The following SH2D3C variants were observed in gnomAD, a reference collection of about 807,000 sequenced individuals.
The protein encoded by SH2D3C is SH2 domain-containing protein 3C.
A neutral mutation model predicts 75.2 loss-of-function variants in SH2D3C; 25 were observed. That is an observed-to-expected ratio of 0.33 (90% CI 0.24 to 0.46). The LOEUF (loss-of-function observed/expected upper bound fraction) is 0.46. SH2D3C is among the 20% of genes least tolerant of loss of function. The pLI is 1.00. For synonymous variants in SH2D3C, 450 were observed against 473.7 expected (o/e 0.95, Z 0.65); for missense variants, 933 against 1,165.3 (o/e 0.80, Z 2.90).
intron 2 of SH2D3C, among the ~76,000 whole-genome samples, chr9:127,768,467 T>C (rs1471602543): frequency 4.0e-5 from 6 of 151,854 alleles, no homozygotes; most frequent in Non-Finnish European, 5.9e-5. Context: ...GACACTCAGA[T>C]GAGGCACTAA....
At chr9:127,772,401 AC>A (rs762723571) in intron 2 of SH2D3C, among the ~76,000 whole-genome samples, 16 of 151,688 alleles carry the variant, frequency 1.1e-4, no homozygotes, top group Non-Finnish European at 2.1e-4. Flanking sequence ...CCGCCGCCAC[AC>A]CCGGCTAATT....
chr9:127,767,431 A>C, intron 2 of SH2D3C: 1 of 450,932 alleles, frequency 2.2e-6, no homozygotes, highest in Non-Finnish European at 2.9e-6. Flanking sequence ...CCTGATGTCT[A>C]ATTCCCTGCT....
intron 3 of SH2D3C, among the ~76,000 whole-genome samples, chr9:127,757,422 C>G (rs1845412539): frequency 6.6e-6 from 1 of 151,322 alleles, no homozygotes; most frequent in African/African-American, 2.4e-5. Context: ...AGGTGCACAC[C>G]ACCATGCTCA....
intron 3 of SH2D3C, chr9:127,755,230 C>G: frequency 8.7e-7 from 1 of 1,150,114 alleles, no homozygotes; most frequent in Non-Finnish European, 1.1e-6. Context: ...GCGCAGGGAC[C>G]AACCGGCTAG....
chr9:127,746,568 T>G (rs948168208), intron 6 of SH2D3C, among the ~76,000 whole-genome samples: 1 of 152,002 alleles, frequency 6.6e-6, no homozygotes, highest in East Asian at 1.9e-4. Flanking sequence ...TTTGGGAGGC[T>G]GAGGCGGGTG....
At chr9:127,745,894 C>T (rs1845016231) in intron 6 of SH2D3C, among the ~76,000 whole-genome samples, 1 of 152,158 alleles carries the variant, frequency 6.6e-6, no homozygotes, top group Admixed American at 6.5e-5. Context: ...ACCTCAAAGG[C>T]GATATTTACT....
intron 4 of SH2D3C, among the ~76,000 whole-genome samples, chr9:127,750,182 A>C (rs1845159306): frequency 6.6e-6 from 1 of 151,046 alleles, no homozygotes; most frequent in South Asian, 2.1e-4. Context: ...TATTATTATT[A>C]AGATGGAGTC....
rs1388097299 is a variant in SH2D3C, at chr9:127,751,937, G to A, written c.556-637C>T. Among the ~76,000 whole-genome samples, 9 of 152,110 alleles carry A rather than the reference G, an allele frequency of 5.9e-5. No individual in the cohort carries two copies. Among genetic ancestry groups the A allele is most frequent in the Non-Finnish European group, 1.2e-4 (8 of 68,018 alleles). On this transcript the variant is annotated intron_variant, in intron 3 of 11. Coordinates refer to ENST00000314830, the MANE Select transcript of SH2D3C (RefSeq NM_170600.3). This position sits in a 1 kb window ranked among gnomAD's most constrained non-coding sequence, Gnocchi z 4.1. ...GGGAAGGGACTATAAACAGGGACAC[G>A]GGGACCCCAAACAGACATCTGCATT...
chr9:127,747,120 C>A (rs1359347805), intron 6 of SH2D3C, 27 bp downstream of exon 6: 1 of 1,606,164 alleles, frequency 6.2e-7, no homozygotes, highest in Non-Finnish European at 8.5e-7. Flanking sequence ...TTCCCTCCAC[C>A]TGCTCCACCC....
intron 2 of SH2D3C, chr9:127,771,566 C>A (rs868427227): frequency 2.4e-5 from 8 of 328,074 alleles, no homozygotes; most frequent in Admixed American, 5.1e-5. Flanking sequence ...CCCAGCAGCT[C>A]TCCGCGCAGC....
chr9:127,759,245 T>C (rs994418809), intron 3 of SH2D3C, among the ~76,000 whole-genome samples: 1 of 152,216 alleles, frequency 6.6e-6, no homozygotes, highest in Non-Finnish European at 1.5e-5. Context: ...AGATGGAGTC[T>C]TGCTCTGTCG....
At position 127,754,871 on chromosome 9, in the gene SH2D3C, C is replaced by T. The variant is rs557197381; in HGVS notation, c.556-3571G>A. 4.0e-6 allele frequency: 2 copies of T among 502,880 alleles called. No individual in the cohort carries two copies. The highest frequency in any genetic ancestry group is 8.0e-6 in the Non-Finnish European group (2 of 248,580). 31.2% of individuals were successfully genotyped at this position (502,880 alleles called of 1,614,324 possible). On this transcript the variant is annotated intron_variant, in intron 3 of 11. Transcript: ENST00000314830. This position sits in a 1 kb window ranked among gnomAD's most constrained non-coding sequence, Gnocchi z 4.4. ...CGCAGCCCAGAGTCCCAGGAGTGGC[C>T]GCCGAACCCTCACCCCGCGGAGCGC...
intron 7 of SH2D3C, among the ~76,000 whole-genome samples, chr9:127,744,157 G>A (rs540732355): frequency 4.4e-5 from 6 of 136,424 alleles, no homozygotes; most frequent in East Asian, 2.2e-4. Flanking sequence ...TGCAACCTCC[G>A]CCTCCAAGGT....
At position 127,774,485 on chromosome 9, in the gene SH2D3C, A is replaced by G. The variant is rs746512835; in HGVS notation, c.38-18T>C. The stretch of plus-strand genomic sequence containing the variant: ...GAAGAACTCTAGCAGAGGGGAAGGG[A>G]AGGAAAAGAAGTTAATGACAATGTC... On this transcript the variant is annotated intron_variant, in intron 1 of 11. Transcript: ENST00000314830. The surrounding 1 kb of genome is among the most constrained non-coding windows in gnomAD (Gnocchi z 4.3). The G allele has an allele frequency of 1.9e-5, 23 of 1,201,166 alleles. No homozygotes were observed. In the Admixed American group the frequency reaches 3.5e-4, roughly 18 times the overall value. The allele number at this position is 1,201,166 out of a possible 1,614,324, so 74.4% of individuals were successfully genotyped here.
At chr9:127,760,042 G>A (rs1845490815) in intron 3 of SH2D3C, among the ~76,000 whole-genome samples, 1 of 151,800 alleles carries the variant, frequency 6.6e-6, no homozygotes, top group African/African-American at 2.4e-5. Flanking sequence ...TGTAGTCCCA[G>A]GGACTTAGGA....
At chr9:127,750,597 C>G (rs1330395329) in intron 4 of SH2D3C, among the ~76,000 whole-genome samples, 1 of 152,218 alleles carries the variant, frequency 6.6e-6, no homozygotes, top group Admixed American at 6.5e-5. Flanking sequence ...GTCAGTCCCC[C>G]ACCCTGGGCC....
chr9:127,743,449 G>A (rs1324241330), intron 7 of SH2D3C, among the ~76,000 whole-genome samples: 2 of 152,230 alleles, frequency 1.3e-5, no homozygotes, highest in Non-Finnish European at 2.9e-5. Context: ...GTTGCAGTGA[G>A]CCGATATCAC....
At position 127,740,388 on chromosome 9, in the gene SH2D3C, G is replaced by A; in HGVS notation, c.2089-19C>T. 1.2e-6 allele frequency: 2 copies of A among 1,604,116 alleles called. No individual in the cohort carries two copies. Among genetic ancestry groups the A allele is most frequent in the Non-Finnish European group, 1.7e-6 (2 of 1,171,116 alleles). On this transcript the variant is annotated intron_variant, in intron 9 of 11. Coordinates refer to ENST00000314830, the MANE Select transcript of SH2D3C (RefSeq NM_170600.3). ...GAGAAATCTGGGGAGGCCAAACTGT[G>A]AGAGACCAGCCAGGCAGAGGGCCTG...
At chr9:127,773,754 C>T (rs1038980473) in intron 2 of SH2D3C, among the ~76,000 whole-genome samples, 1 of 151,836 alleles carries the variant, frequency 6.6e-6, no homozygotes, top group Non-Finnish European at 1.5e-5. Flanking sequence ...CCTGTCTCTA[C>T]TAAAAATACA....
Sources: allele counts gnomAD v4.1 joint callset (sites outside exome capture counted in the v4.1 genomes callset), GRCh38; gene constraint gnomAD v4.1.1; non-coding constraint Gnocchi (gnomAD v3.1); transcripts MANE v1.5; gene names NCBI Gene and HGNC (gene_info 2026-07-23, HGNC 2026-07-21).